Variants in BRWD3 observed in about 807,000 individuals in gnomAD.
The protein encoded by BRWD3 is bromodomain and WD repeat-containing protein 3.
BRWD3 carries 10 observed loss-of-function variants against 149.7 expected under a neutral mutation model. The observed-to-expected ratio is 0.07, with a 90% CI of 0.04 to 0.11. The LOEUF is 0.11. Among genes scored for constraint, BRWD3 ranks in the 10% least tolerant of loss-of-function variants. BRWD3 has a pLI of 1.00. For missense variants in BRWD3, 940 were observed against 1,373.2 expected, an observed-to-expected ratio of 0.68 and a Z score of 4.99; for synonymous variants, 504 against 456.7, an observed-to-expected ratio of 1.10 and a Z score of -1.32.
chrX:80,766,401 T>C (rs754178843), intron 6 of BRWD3, among the ~76,000 whole-genome samples: 106 of 111,148 alleles, frequency 9.5e-4, no homozygotes, highest in Non-Finnish European at 1.8e-3. Context: ...AATAAATACA[T>C]CTATCAATCC....
At chrX:80,793,160 CAAAAAAAA>C (rs201065966) in intron 5 of BRWD3, among the ~76,000 whole-genome samples, 28 of 44,467 alleles carry the variant, frequency 6.3e-4, no homozygotes, top group Admixed American at 2.1e-3. Context: ...GACTCTGTCT[CAAAAAAAA>C]AAAAAAAAAA....
At position 80,795,510 on chromosome X, in the gene BRWD3, T is replaced by C. The variant is rs2074229637; in HGVS notation, c.181-1738A>G. ...ATGTATGTGTATATATGTATATGTA[T>C]GTATACATATACATATATGTGTGTA... is the stretch of plus-strand genomic sequence containing the variant. On this transcript the variant is annotated intron_variant, in intron 4 of 40. Coordinates refer to ENST00000373275, the MANE Select transcript of BRWD3 (RefSeq NM_153252.5). Among the ~76,000 whole-genome samples, 3 of 109,668 alleles carry C rather than the reference T, an allele frequency of 2.7e-5. No homozygotes were observed. The Admixed American group carries it at 3.0e-4, about 11-fold the overall frequency.
At chrX:80,748,234 G>A (rs1159316258) in intron 6 of BRWD3, among the ~76,000 whole-genome samples, 1 of 110,996 alleles carries the variant, frequency 9.0e-6, no homozygotes, top group African/African-American at 3.3e-5. Context: ...CTATTGAAAT[G>A]ATCACACAGG....
chrX:80,678,691 GA>G (rs1481954164), intron 40 of BRWD3, among the ~76,000 whole-genome samples: 1 of 111,274 alleles, frequency 9.0e-6, no homozygotes, highest in Admixed American at 9.6e-5. Context: ...AACCAACAAA[GA>G]AAATGGAGGA....
At chrX:80,757,091 CA>C (rs1306485198) in intron 6 of BRWD3, among the ~76,000 whole-genome samples, 1 of 111,858 alleles carries the variant, frequency 8.9e-6, no homozygotes, top group Non-Finnish European at 1.9e-5. Context: ...ATTACATTCT[CA>C]CTGTTAAACT....
chrX:80,803,761 T>C (rs1301984729), intron 4 of BRWD3, among the ~76,000 whole-genome samples: 2 of 112,390 alleles, frequency 1.8e-5, no homozygotes, highest in African/African-American at 6.5e-5. Context: ...CAAACATGCT[T>C]AAACTGCTTC....
intron 6 of BRWD3, among the ~76,000 whole-genome samples, chrX:80,770,036 C>A (rs190473048): frequency 1.3e-4 from 14 of 111,377 alleles, no homozygotes; most frequent in African/African-American, 3.9e-4. Flanking sequence ...ATACACCCTC[C>A]CAAGACTAAA....
intron 4 of BRWD3, among the ~76,000 whole-genome samples, chrX:80,804,335 T>C (rs2147870515): frequency 9.1e-6 from 1 of 109,375 alleles, no homozygotes; most frequent in East Asian, 2.9e-4. Context: ...CTTCCAGGGC[T>C]CAAGCAATTC....
rs761093527 is a variant in BRWD3, at chrX:80,744,186, C to T, written c.659G>A (p.Gly220Glu). 1 of 1,209,756 alleles carries T rather than the reference C, an allele frequency of 8.3e-7. No homozygotes were observed. The highest frequency in any genetic ancestry group is 3.0e-5 in the East Asian group (1 of 33,774). ...DDGRLLATLRGHSAEISDMAV... is the reference protein window; with the variant it reads ...DDGRLLATLREHSAEISDMAV... Reference sequence around the variant, plus strand: ...CATGTCAGAAATTTCAGCAGAGTGTCCACGAAGTGTAGCAAGAAGGCGTCC... The same window carrying T: ...CATGTCAGAAATTTCAGCAGAGTGTTCACGAAGTGTAGCAAGAAGGCGTCC... The change falls in exon 8 of 41, where the codon GGA (glycine) becomes GAA (glutamate). Residue 220 changes from glycine to glutamate, a missense_variant. Physicochemically the swap from Gly to Glu is moderately conservative, Grantham distance 98. Around this residue, in one of 6 missense-constraint regions of BRWD3, gnomAD observed 209 missense variants for 396.8 expected, o/e 0.53. Coordinates refer to ENST00000373275, the MANE Select transcript of BRWD3 (RefSeq NM_153252.5).
rs375830120 is a variant in BRWD3 at position 80,709,537 on chromosome X, G to A, written c.2366C>T (p.Thr789Ile). 1.7e-6 allele frequency: 2 copies of A among 1,210,237 alleles called. No homozygotes were observed. The highest frequency in any genetic ancestry group is 2.2e-6 in the Non-Finnish European group (2 of 894,513). The change falls in exon 21 of 41, where the codon ACA (threonine) becomes ATA (isoleucine). Residue 789 changes from threonine (T) to isoleucine (I), a missense_variant. Physicochemically the swap from Thr to Ile is moderately conservative, Grantham distance 89. This residue lies in a region of BRWD3 where 103 missense variants were observed against 103.2 expected (regional missense o/e 1.00). Coordinates refer to ENST00000373275, the MANE Select transcript of BRWD3 (RefSeq NM_153252.5). ...EPSCGRSLRR[T>I]QRKRQHTYQT... ...GTAAGTATGCTGACGTTTGCGCTGT[G>A]TCCTGCGTAAAGAACGCCCACAGCT... is the stretch of plus-strand genomic sequence containing the variant.
At chrX:80,751,863 C>A (rs1040813114) in intron 6 of BRWD3, among the ~76,000 whole-genome samples, 4 of 110,150 alleles carry the variant, frequency 3.6e-5, no homozygotes, top group Admixed American at 9.8e-5. Context: ...AAGATAATGA[C>A]CTCCAGTTCC....
chrX:80,762,986 G>A (rs945787713), intron 6 of BRWD3, among the ~76,000 whole-genome samples: 1 of 110,484 alleles, frequency 9.1e-6, no homozygotes, highest in Non-Finnish European at 1.9e-5. Flanking sequence ...AAGGAATAGT[G>A]ATCGCTACTA....
chrX:80,800,411 G>A (rs2074280465), intron 4 of BRWD3, among the ~76,000 whole-genome samples: 1 of 107,369 alleles, frequency 9.3e-6, no homozygotes. Flanking sequence ...ACATGACGGT[G>A]CATGCCTGTA....
chrX:80,684,139 A>C lies in BRWD3; in HGVS notation c.4104T>G (p.Thr1368=). The change falls in exon 37 of 41, where the codon ACT becomes ACG. Residue 1368 remains threonine (T), a synonymous_variant. Coordinates refer to ENST00000373275, the MANE Select transcript of BRWD3 (RefSeq NM_153252.5). ...CTTTCACAGTGCTGAAGTCCACAGG[A>C]GTATCTATAACATCTTGATAATCCT... ...LSEDYQDVID[T]PVDFSTVKET... is the part of the protein sequence containing the mutation. The C allele has an allele frequency of 8.3e-7, 1 of 1,203,154 alleles. No homozygotes were observed. The highest frequency in any genetic ancestry group is 3.0e-5 in the East Asian group (1 of 33,751).
At chrX:80,784,677 T>C (rs1277456437) in intron 6 of BRWD3, among the ~76,000 whole-genome samples, 2 of 111,996 alleles carry the variant, frequency 1.8e-5, no homozygotes, top group Non-Finnish European at 3.8e-5. Flanking sequence ...CTGAGGATGA[T>C]AGCTTCCAGC....
At chrX:80,804,659 C>T (rs1056078450) in intron 4 of BRWD3, among the ~76,000 whole-genome samples, 1 of 112,080 alleles carries the variant, frequency 8.9e-6, no homozygotes, top group African/African-American at 3.2e-5. Context: ...AAGAACTGTT[C>T]ATTTAAACAC....
intron 6 of BRWD3, among the ~76,000 whole-genome samples, chrX:80,783,717 T>C (rs1438288932): frequency 1.8e-5 from 2 of 111,429 alleles, no homozygotes; most frequent in East Asian, 5.6e-4. Flanking sequence ...GTGGTATTTA[T>C]ACGCAATGGA....
chrX:80,806,353 GA>G (rs1172503747), intron 4 of BRWD3, among the ~76,000 whole-genome samples: 2 of 108,540 alleles, frequency 1.8e-5, no homozygotes, highest in South Asian at 3.9e-4. Flanking sequence ...CACTAGTAAT[GA>G]AAAAAAAAGA....
chrX:80,685,791 A>G (rs980024461), intron 35 of BRWD3, among the ~76,000 whole-genome samples: 1 of 111,695 alleles, frequency 9.0e-6, no homozygotes, highest in Non-Finnish European at 1.9e-5. Flanking sequence ...CTTGAATGAT[A>G]TTTTTTCCCA....
Sources: gnomAD v4.1 joint callset for allele counts (sites outside exome capture counted in the v4.1 genomes callset) on GRCh38, gnomAD v4.1.1 for gene constraint, gnomAD v4.1.1 regional missense constraint, MANE v1.5 for transcripts, NCBI Gene and HGNC (gene_info 2026-07-23, HGNC 2026-07-21) for gene names.